The following SMARCAL1 variants were observed in gnomAD, a reference collection of about 807,000 sequenced individuals.
SMARCAL1 encodes the protein SNF2 related chromatin remodeling annealing helicase 1, also known as ATP-driven annealing helicase.
Under a neutral mutation model 94.5 loss-of-function variants are expected in SMARCAL1, and 58 were observed. The ratio of observed to expected loss-of-function variants is 0.61; its 90% CI spans 0.50 to 0.76. The LOEUF (loss-of-function observed/expected upper bound fraction) is 0.76, where lower values mean the gene tolerates loss of function less well. SMARCAL1 is among the 30% of genes least tolerant of loss of function. SMARCAL1 has a pLI of 0.00. For missense variants in SMARCAL1, 1,051 were observed against 1,177.9 expected (o/e 0.89, Z 1.58); for synonymous variants, 422 against 455.1 (o/e 0.93, Z 0.93).
intron 8 of SMARCAL1, among the ~76,000 whole-genome samples, chr2:216,434,952 G>A (rs1043138805): frequency 2.0e-5 from 3 of 148,992 alleles, no homozygotes; most frequent in East Asian, 2.0e-4. Context: ...TCCACTTCCC[G>A]GGTTCAAGCG....
At chr2:216,451,244 AAT>A (rs1694444028) in intron 12 of SMARCAL1, 180 bp downstream of exon 12, 1 of 643,224 alleles carries the variant, frequency 1.6e-6, no homozygotes, top group Middle Eastern at 4.1e-4. Context: ...AGTTTTGAAA[AAT>A]CTCATATTAA....
At chr2:216,463,935 C>T (rs773326959) in intron 12 of SMARCAL1, among the ~76,000 whole-genome samples, 12 of 152,056 alleles carry the variant, frequency 7.9e-5, no homozygotes, top group East Asian at 1.9e-4. Flanking sequence ...CCCAGCTACT[C>T]GGAGGCTGAG....
In SMARCAL1 at chr2:216,428,676, A is replaced by G. The variant is rs1391362273; in HGVS notation, c.1228A>G (p.Lys410Glu). 1.2e-6 allele frequency: 2 copies of G among 1,614,206 alleles called. No individual in the cohort carries two copies. The highest frequency in any genetic ancestry group is 1.1e-5 in the South Asian group (1 of 91,084). ...CACCCTGGCGTTTGCTTCTCAGCTC[A>G]AGAAGACATCTCTCAGTCTCACGCC... Reference protein sequence around the residue: ...TLTLAFASQLKKTSLSLTPDV... With the variant: ...TLTLAFASQLEKTSLSLTPDV... Residue 410 changes from lysine to glutamate, a missense_variant, in exon 7 of 18, where the codon AAG becomes GAG. Physicochemically the swap from Lys to Glu is moderately conservative, Grantham distance 56. Transcript: ENST00000357276.
intron 17 of SMARCAL1, among the ~76,000 whole-genome samples, chr2:216,479,537 T>TA (rs1284875625): frequency 1.3e-5 from 2 of 151,168 alleles, no homozygotes; most frequent in African/African-American, 4.9e-5. Flanking sequence ...CTCATTCACT[T>TA]ACATTTATTT....
rs772924190 is a variant in SMARCAL1 at position 216,416,306 on chromosome 2, GAGTA to G, written c.862+4_862+7del. 1.2e-6 allele frequency: 2 copies of G among 1,612,604 alleles called. No homozygotes were observed. Among genetic ancestry groups the G allele is most frequent in the South Asian group, 2.2e-5 (2 of 91,000 alleles). On this transcript the variant is annotated splice_donor_variant and splice_donor_region_variant and coding_sequence_variant and intron_variant, in exon 4 of 18. Coordinates refer to ENST00000357276, the MANE Select transcript of SMARCAL1 (RefSeq NM_014140.4). LOFTEE classifies it high-confidence loss of function. The stretch of plus-strand genomic sequence containing the variant: ...TCAGCATGAATGACTATAGTGCCCT[GAGTA>G]AGTAGACACATGGTTGTCTCATGGA...
chr2:216,431,708 A>C (rs1693966489), intron 7 of SMARCAL1, among the ~76,000 whole-genome samples: 1 of 152,202 alleles, frequency 6.6e-6, no homozygotes, highest in African/African-American at 2.4e-5. Flanking sequence ...GAGTGATGGA[A>C]TTGGGACTCC....
chr2:216,427,876 C>T (rs1438159470), intron 6 of SMARCAL1, among the ~76,000 whole-genome samples: 2 of 152,214 alleles, frequency 1.3e-5, no homozygotes, highest in South Asian at 2.1e-4. Flanking sequence ...GTTTTATGTA[C>T]GTGTATGAAA....
At chr2:216,420,754 A>G (rs927636527) in intron 5 of SMARCAL1, among the ~76,000 whole-genome samples, 8 of 152,166 alleles carry the variant, frequency 5.3e-5, no homozygotes, top group African/African-American at 1.9e-4. Context: ...AGACCTCATA[A>G]TATCCCCCTG....
At chr2:216,431,327 A>G (rs544525972) in intron 7 of SMARCAL1, among the ~76,000 whole-genome samples, 1 of 152,374 alleles carries the variant, frequency 6.6e-6, no homozygotes, top group African/African-American at 2.4e-5. Context: ...GAACTATCCC[A>G]GCGGCTTATT....
At chr2:216,461,013 G>A (rs904156373) in intron 12 of SMARCAL1, among the ~76,000 whole-genome samples, 3 of 151,258 alleles carry the variant, frequency 2.0e-5, no homozygotes, top group African/African-American at 7.3e-5. Flanking sequence ...TTAAGGAATG[G>A]TATGTACAAT....
chr2:216,478,135 G>GC, intron 16 of SMARCAL1, 68 bp from the exon 17 acceptor site: 1 of 1,205,006 alleles, frequency 8.3e-7, no homozygotes, highest in South Asian at 1.2e-5. Flanking sequence ...AAGGAGGGTG[G>GC]CCTCATTTTC....
intron 4 of SMARCAL1, among the ~76,000 whole-genome samples, chr2:216,416,966 G>T (rs1209386857): frequency 1.3e-5 from 2 of 152,190 alleles, no homozygotes; most frequent in Non-Finnish European, 2.9e-5. Context: ...ACTTGATCCT[G>T]GTACATGGAG....
rs1693896706 is a variant in SMARCAL1, at chr2:216,428,779, T to A, written c.1331T>A (p.Val444Asp). The change falls in exon 7 of 18, where the codon GTC (valine) becomes GAC (aspartate). Residue 444 changes from valine (V) to aspartate (D), a missense_variant. Val to Asp is a radical substitution (Grantham distance 152, BLOSUM62 -3). Transcript: ENST00000357276. The stretch of plus-strand genomic sequence containing the variant: ...CTGATGCCCTTTCAGAGAGCTGGAG[T>A]CAAGTAGGTTCTTGATCTTCCTCTC... ...SNLMPFQRAG[V>D]NFAIAKGGRL... The A allele has an allele frequency of 6.2e-7, 1 of 1,613,624 alleles. No homozygotes were observed. Among genetic ancestry groups the A allele is most frequent in the Non-Finnish European group, 8.5e-7 (1 of 1,179,788 alleles).
At chr2:216,431,883 C>T (rs2106032402) in intron 7 of SMARCAL1, among the ~76,000 whole-genome samples, 1 of 152,326 alleles carries the variant, frequency 6.6e-6, no homozygotes, top group South Asian at 2.1e-4. Flanking sequence ...TCCTCCCATC[C>T]TTTTCTCGCC....
Position 216,475,376 on chromosome 2 carries a change from C to T in SMARCAL1, c.2352C>T (p.Ile784=). Residue 784 remains isoleucine (I), a synonymous_variant, in exon 15 of 18, where the codon ATC becomes ATT. Transcript: ENST00000357276. The surrounding 1 kb of genome is among the most constrained non-coding windows in gnomAD (Gnocchi z 4.4). The part of the protein sequence containing the change: ...SERHAVAVLS[I]TAANMGLTFS... ...GGCATGCTGTGGCCGTGCTGTCCATCACCGCTGCCAATATGGGCCTCACCT... is the reference window on the plus strand; with the variant it reads ...GGCATGCTGTGGCCGTGCTGTCCATTACCGCTGCCAATATGGGCCTCACCT... 6.2e-7 allele frequency: 1 copy of T among 1,614,230 alleles called. No homozygotes were observed. The highest frequency in any genetic ancestry group is 8.5e-7 in the Non-Finnish European group (1 of 1,180,042).
At chr2:216,455,329 G>A (rs1694540107) in intron 12 of SMARCAL1, among the ~76,000 whole-genome samples, 1 of 152,218 alleles carries the variant, frequency 6.6e-6, no homozygotes, top group Admixed American at 6.5e-5. Context: ...AAATGTCCCT[G>A]TCTGACAGCT....
intron 14 of SMARCAL1, among the ~76,000 whole-genome samples, chr2:216,473,949 T>C (rs1695016227): frequency 6.6e-6 from 1 of 152,114 alleles, no homozygotes; most frequent in South Asian, 2.1e-4. Context: ...CAGATGTCCT[T>C]CAACAGATGG....
In SMARCAL1 at chr2:216,464,684, T is replaced by C. The variant is rs2066516; in HGVS notation, c.2141+17T>C. ...ATCTGTCATGTAAGTGGTCACTAAG[T>C]GTCGACCTCTCTCTCTCTCATCTTC... is the stretch of plus-strand genomic sequence containing the variant. On this transcript the variant is annotated intron_variant, in intron 13 of 17. Transcript: ENST00000357276. 7,898 of 1,559,052 alleles carry C rather than the reference T, an allele frequency of 5.1e-3. 232 individuals carry two copies. The African/African-American group carries it at 0.079, about 16-fold the overall frequency.
chr2:216,478,146 A>G lies in SMARCAL1; in HGVS notation c.2529-57A>G, dbSNP rs986913698. On this transcript the variant is annotated intron_variant, in intron 16 of 17. Coordinates refer to ENST00000357276, the MANE Select transcript of SMARCAL1 (RefSeq NM_014140.4). Reference sequence around the variant, plus strand: ...GAACAAGGAGGGTGGCCTCATTTTCATTAGTCTGGTGGTTCTGTGCAGGTT... The same window carrying G: ...GAACAAGGAGGGTGGCCTCATTTTCGTTAGTCTGGTGGTTCTGTGCAGGTT... 5 of 1,382,622 alleles carry G rather than the reference A, an allele frequency of 3.6e-6. No individual in the cohort carries two copies. The African/African-American group carries it at 7.1e-5, about 20-fold the overall frequency. The allele number at this position is 1,382,622 out of a possible 1,614,324, so 85.6% of individuals were successfully genotyped here.
Sources: allele counts gnomAD v4.1 joint callset (sites outside exome capture counted in the v4.1 genomes callset), GRCh38; gene constraint gnomAD v4.1.1; non-coding constraint Gnocchi (gnomAD v3.1); transcripts MANE v1.5; gene names NCBI Gene and HGNC (gene_info 2026-07-23, HGNC 2026-07-21).